Variants in DPYD observed in about 807,000 individuals in gnomAD.
The protein encoded by DPYD is dihydropyrimidine dehydrogenase.
Under a neutral mutation model 116.2 loss-of-function variants are expected in DPYD, and 109 were observed. The observed-to-expected ratio is 0.94, with a 90% CI of 0.80 to 1.10. The LOEUF (loss-of-function observed/expected upper bound fraction) is 1.10, where lower values mean the gene tolerates loss of function less well. DPYD is among the 50% of genes least tolerant of loss of function. The probability of loss-of-function intolerance (pLI) is 0.00; values close to 1 mark genes in which losing one functional copy is unlikely to be tolerated. For missense variants in DPYD, 1,302 were observed against 1,254.5 expected, an observed-to-expected ratio of 1.04 and a Z score of -0.57; for synonymous variants, 440 against 432.0, an observed-to-expected ratio of 1.02 and a Z score of -0.23.
intron 11 of DPYD, among the ~76,000 whole-genome samples, chr1:97,568,114 G>GA (rs1438312446): frequency 6.6e-6 from 1 of 151,408 alleles, no homozygotes; most frequent in African/African-American, 2.4e-5. Flanking sequence ...TTTTTTTCAG[G>GA]AAAAAAACTA....
chr1:97,283,956 C>G (rs376295499), intron 18 of DPYD, among the ~76,000 whole-genome samples: 15 of 152,070 alleles, frequency 9.9e-5, no homozygotes, highest in African/African-American at 3.4e-4. Flanking sequence ...TTTGTGAAAG[C>G]TGCCTAACTC....
intron 14 of DPYD, among the ~76,000 whole-genome samples, chr1:97,394,592 T>C (rs1173366808): frequency 1.3e-5 from 2 of 152,036 alleles, no homozygotes; most frequent in East Asian, 1.9e-4. Context: ...ATGAAGAAGT[T>C]TGAAATATTG....
intron 16 of DPYD, among the ~76,000 whole-genome samples, chr1:97,361,539 G>A (rs1034263190): frequency 6.6e-6 from 1 of 152,076 alleles, no homozygotes; most frequent in Admixed American, 6.6e-5. Flanking sequence ...GATGAATATC[G>A]ATGCAAAAAT....
chr1:97,666,326 A>T (rs925862822), intron 8 of DPYD, among the ~76,000 whole-genome samples: 2 of 151,796 alleles, frequency 1.3e-5, no homozygotes, highest in Non-Finnish European at 2.9e-5. Context: ...CTGCATGGCG[A>T]ATTTTTTCTT....
At chr1:97,631,391 T>C (rs1464298786) in intron 8 of DPYD, among the ~76,000 whole-genome samples, 1 of 152,070 alleles carries the variant, frequency 6.6e-6, no homozygotes, top group East Asian at 1.9e-4. Flanking sequence ...GCAAGACTTA[T>C]TAAGGGTGAA....
intron 13 of DPYD, among the ~76,000 whole-genome samples, chr1:97,472,953 C>T (rs939649979): frequency 6.6e-6 from 1 of 152,194 alleles, no homozygotes; most frequent in African/African-American, 2.4e-5. Context: ...CATCACCTCA[C>T]ATAGTTGCCT....
chr1:97,471,234 C>T (rs978800537), intron 13 of DPYD, among the ~76,000 whole-genome samples: 15 of 151,978 alleles, frequency 9.9e-5, no homozygotes, highest in Admixed American at 6.5e-4. Flanking sequence ...TCTTTAACTT[C>T]AATATGTTTT....
intron 16 of DPYD, among the ~76,000 whole-genome samples, chr1:97,334,704 T>C (rs1669196183): frequency 1.3e-5 from 2 of 152,228 alleles, no homozygotes; most frequent in African/African-American, 4.8e-5. Context: ...TGACTGGTGC[T>C]GACCACATAG....
intron 16 of DPYD, among the ~76,000 whole-genome samples, chr1:97,360,766 G>C (rs1670678311): frequency 6.6e-6 from 1 of 152,126 alleles, no homozygotes; most frequent in African/African-American, 2.4e-5. Flanking sequence ...TGAGAACAAA[G>C]ACACAACATA....
intron 3 of DPYD, among the ~76,000 whole-genome samples, chr1:97,804,612 A>T (rs1667995437): frequency 6.6e-6 from 1 of 151,870 alleles, no homozygotes; most frequent in African/African-American, 2.4e-5. Context: ...TGTTCACCCA[A>T]GTATAGCATA....
intron 16 of DPYD, among the ~76,000 whole-genome samples, chr1:97,306,538 T>C (rs889744396): frequency 1.3e-5 from 2 of 151,972 alleles, no homozygotes; most frequent in African/African-American, 4.8e-5. Context: ...ACAGAGCCTT[T>C]AGAAAATAAA....
chr1:97,419,619 T>C (rs113723169), intron 14 of DPYD, among the ~76,000 whole-genome samples: 176 of 152,310 alleles, frequency 1.2e-3, no homozygotes, highest in African/African-American at 4.0e-3. Flanking sequence ...CCAGGCCTTT[T>C]CCACATATGT....
rs371424973 is a variant in DPYD at position 97,130,030 on chromosome 1, C to T, written c.2623-31398G>A. Among the ~76,000 whole-genome samples, 328 of 152,284 alleles carry T rather than the reference C, an allele frequency of 2.2e-3. 1 individual carries two copies. The highest frequency in any genetic ancestry group is 7.5e-3 in the African/African-American group (312 of 41,556). ...GGTAAAATAAAAAGGCACTCACTGC[C>T]TTTAAATAGCAATACAGGAAAATTT... On this transcript the variant is annotated intron_variant, in intron 20 of 22. Transcript: ENST00000370192.
At chr1:97,344,595 C>CA (rs1669749113) in intron 16 of DPYD, among the ~76,000 whole-genome samples, 1 of 148,874 alleles carries the variant, frequency 6.7e-6, no homozygotes. Flanking sequence ...ATATATGTCA[C>CA]CACACACACA....
At chr1:97,490,701 G>A (rs1387371141) in intron 13 of DPYD, among the ~76,000 whole-genome samples, 1 of 151,164 alleles carries the variant, frequency 6.6e-6, no homozygotes, top group Non-Finnish European at 1.5e-5. Context: ...AGCATAACAT[G>A]AGTGGACAAG....
chr1:97,612,321 G>C (rs979565404), intron 8 of DPYD, among the ~76,000 whole-genome samples: 1 of 152,022 alleles, frequency 6.6e-6, no homozygotes, highest in Non-Finnish European at 1.5e-5. Context: ...TCTCAGAAAT[G>C]TTGGTGCATG....
At chr1:97,404,728 C>A (rs1272763253) in intron 14 of DPYD, among the ~76,000 whole-genome samples, 1 of 151,914 alleles carries the variant, frequency 6.6e-6, no homozygotes. Context: ...GTTTTTAAAT[C>A]CACTTAAACA....
chr1:97,571,813 T>A (rs1652920534), intron 11 of DPYD, among the ~76,000 whole-genome samples: 1 of 151,974 alleles, frequency 6.6e-6, no homozygotes, highest in African/African-American at 2.4e-5. Flanking sequence ...ACTATTAAGA[T>A]TTTAAATCCT....
At chr1:97,203,344 C>A (rs8179310) in intron 19 of DPYD, among the ~76,000 whole-genome samples, 20,005 of 151,844 alleles carry the variant, frequency 0.13, 1,602 homozygotes, top group East Asian at 0.28. Context: ...TCAACAGAGT[C>A]AACACAGCTG....
Sources: gnomAD v4.1 joint callset for allele counts (sites outside exome capture counted in the v4.1 genomes callset) on GRCh38, gnomAD v4.1.1 for gene constraint, MANE v1.5 for transcripts, NCBI Gene and HGNC (gene_info 2026-07-23, HGNC 2026-07-21) for gene names.